Variants in DOCK8 observed in about 807,000 individuals in gnomAD.
DOCK8 encodes the protein dedicator of cytokinesis protein 8.
Under a neutral mutation model 245.6 loss-of-function variants are expected in DOCK8, and 141 were observed. The ratio of observed to expected loss-of-function variants is 0.57; its 90% CI spans 0.50 to 0.66. The LOEUF (loss-of-function observed/expected upper bound fraction) is 0.66, where lower values mean the gene tolerates loss of function less well. DOCK8 is among the 30% of genes least tolerant of loss of function. The pLI, the probability that DOCK8 is intolerant of heterozygous loss-of-function variation, is 0.00. For synonymous variants in DOCK8, 1,168 were observed against 970.2 expected, an observed-to-expected ratio of 1.20 and a Z score of -3.79; for missense variants, 2,965 against 2,603.4, an observed-to-expected ratio of 1.14 and a Z score of -3.02.
chr9:372,676 C>T (rs1031545612), intron 18 of DOCK8, among the ~76,000 whole-genome samples: 4 of 152,172 alleles, frequency 2.6e-5, no homozygotes, highest in Admixed American at 1.3e-4. Flanking sequence ...CACAGCCCTC[C>T]GGTAGATACC....
chr9:323,476 C>T (rs2050615752), intron 7 of DOCK8, among the ~76,000 whole-genome samples: 1 of 152,102 alleles, frequency 6.6e-6, no homozygotes, highest in East Asian at 1.9e-4. Flanking sequence ...TTGCCTCGGC[C>T]TCCCAAAGTG....
At chr9:215,125 A>T (rs1040980718) in intron 1 of DOCK8, 96 bp downstream of exon 1, 5 of 1,481,044 alleles carry the variant, frequency 3.4e-6, no homozygotes, top group Admixed American at 2.4e-5. Flanking sequence ...GGACGAGTCC[A>T]TTCGCGTCCG....
chr9:261,991 A>AAGG (rs2047927396), intron 1 of DOCK8, among the ~76,000 whole-genome samples: 1 of 115,506 alleles, frequency 8.7e-6, no homozygotes, highest in African/African-American at 3.3e-5. Flanking sequence ...TGTCAAAAGA[A>AAGG]AGAAGGAGAA....
intron 1 of DOCK8, among the ~76,000 whole-genome samples, chr9:268,826 T>C (rs2048092278): frequency 1.3e-5 from 2 of 152,218 alleles, no homozygotes; most frequent in South Asian, 2.1e-4. Flanking sequence ...GTTTGAGTCC[T>C]GTGGTGCCAA....
intron 20 of DOCK8, among the ~76,000 whole-genome samples, chr9:377,729 C>T (rs567610582): frequency 6.6e-6 from 1 of 152,326 alleles, no homozygotes; most frequent in African/African-American, 2.4e-5. Flanking sequence ...ATAACATTTT[C>T]ATCACCTCCA....
intron 29 of DOCK8, among the ~76,000 whole-genome samples, chr9:416,803 C>G (rs1317405341): frequency 1.3e-5 from 2 of 152,194 alleles, no homozygotes; most frequent in African/African-American, 4.8e-5. Flanking sequence ...TAGAGAACTT[C>G]TATAAAAGCA....
intron 1 of DOCK8, among the ~76,000 whole-genome samples, chr9:262,737 A>G (rs2047947173): frequency 1.3e-5 from 2 of 152,130 alleles, no homozygotes; most frequent in Admixed American, 1.3e-4. Flanking sequence ...TCATGGGTCT[A>G]TACGTATGTC....
At chr9:360,979 G>C (rs1319259828) in intron 14 of DOCK8, among the ~76,000 whole-genome samples, 1 of 152,132 alleles carries the variant, frequency 6.6e-6, no homozygotes, top group East Asian at 1.9e-4. Context: ...GGGTAACACA[G>C]GAAGATTTCA....
In DOCK8 at chr9:317,433, T is replaced by A. The variant is rs571527227; in HGVS notation, c.827+305T>A. On this transcript the variant is annotated intron_variant, in intron 7 of 47. Coordinates refer to ENST00000432829, the MANE Select transcript of DOCK8 (RefSeq NM_203447.4). ...AAAAATAGCGCTTAAGTCAGTGGTG[T>A]GCTGGAGTCGACTGTACTAACTCGT... Among the ~76,000 whole-genome samples the A allele has an allele frequency of 3.3e-5, 5 of 152,322 alleles. No homozygotes were observed. In the South Asian group the frequency reaches 1.0e-3, roughly 32 times the overall value.
intron 7 of DOCK8, among the ~76,000 whole-genome samples, chr9:325,216 G>C (rs947815831): frequency 6.6e-6 from 1 of 152,142 alleles, no homozygotes; most frequent in Admixed American, 6.5e-5. Context: ...CTACTCATTG[G>C]TTGGTGGGCA....
intron 5 of DOCK8, among the ~76,000 whole-genome samples, chr9:305,664 C>G (rs565719437): frequency 1.3e-5 from 2 of 152,294 alleles, no homozygotes; most frequent in East Asian, 3.9e-4. Context: ...GCTTTTAACA[C>G]TATTCTGTAA....
intron 1 of DOCK8, among the ~76,000 whole-genome samples, chr9:243,790 T>G (rs1463855322): frequency 2.0e-5 from 3 of 152,154 alleles, no homozygotes; most frequent in Non-Finnish European, 2.9e-5. Flanking sequence ...TGAAAGGGAC[T>G]CTTTGACCCA....
At chr9:421,826 CAGAA>C (rs2056291065) in intron 32 of DOCK8, among the ~76,000 whole-genome samples, 1 of 152,132 alleles carries the variant, frequency 6.6e-6, no homozygotes, top group Non-Finnish European at 1.5e-5. Context: ...CTCTGACACT[CAGAA>C]AGGCAGAGGT....
intron 46 of DOCK8, 89 bp from the exon 47 acceptor site, chr9:463,428 T>A (rs1487238008): frequency 6.5e-7 from 1 of 1,536,046 alleles, no homozygotes; most frequent in African/African-American, 1.4e-5. Flanking sequence ...CTTAAAGTTA[T>A]TCGAAAAATC....
At chr9:407,656 C>T (rs1050384716) in intron 28 of DOCK8, among the ~76,000 whole-genome samples, 1 of 152,188 alleles carries the variant, frequency 6.6e-6, no homozygotes, top group African/African-American at 2.4e-5. Context: ...CCCCTTCTTT[C>T]CTTCTCTCCC....
At chr9:300,253 C>G (rs912466110) in intron 4 of DOCK8, among the ~76,000 whole-genome samples, 1 of 152,188 alleles carries the variant, frequency 6.6e-6, no homozygotes, top group African/African-American at 2.4e-5. Context: ...AATACCTGCT[C>G]TCTGTGCCAG....
intron 32 of DOCK8, among the ~76,000 whole-genome samples, chr9:421,504 G>C (rs1170311112): frequency 1.3e-5 from 2 of 152,112 alleles, no homozygotes; most frequent in African/African-American, 4.8e-5. Context: ...TATTAGAATG[G>C]AACCAGTTCC....
chr9:242,731 CAT>C (rs1159587744), intron 1 of DOCK8, among the ~76,000 whole-genome samples: 3 of 152,046 alleles, frequency 2.0e-5, no homozygotes, highest in African/African-American at 7.2e-5. Context: ...CTTTGCCAAT[CAT>C]TGCCACCAAC....
Position 214,880 on chromosome 9 carries a change from C to A in DOCK8, c.-97C>A. ...AGCGCCGACCGACAGACGAGGTTTGCGCTTGGCTGGGCATGTTCCGCGGCT... is the reference window on the plus strand; with the variant it reads ...AGCGCCGACCGACAGACGAGGTTTGAGCTTGGCTGGGCATGTTCCGCGGCT... On this transcript the variant is annotated 5_prime_UTR_variant, in exon 1 of 48. Transcript: ENST00000432829. 1.2e-6 allele frequency: 2 copies of A among 1,601,698 alleles called. No homozygotes were observed. Among genetic ancestry groups the A allele is most frequent in the Non-Finnish European group, 1.7e-6 (2 of 1,174,744 alleles).
Sources: gnomAD v4.1 joint callset for allele counts (sites outside exome capture counted in the v4.1 genomes callset) on GRCh38, gnomAD v4.1.1 for gene constraint, MANE v1.5 for transcripts, NCBI Gene and HGNC (gene_info 2026-07-23, HGNC 2026-07-21) for gene names.